USP6NL: variants seen among roughly 807,000 people sequenced by gnomAD.
The protein encoded by USP6NL is USP6 N-terminal like.
In USP6NL, 26 loss-of-function variants were observed where a neutral mutation model predicts 61.9. The ratio of observed to expected loss-of-function variants is 0.42; its 90% CI spans 0.31 to 0.58. The LOEUF (loss-of-function observed/expected upper bound fraction) is 0.58. Among genes scored for constraint, USP6NL ranks in the 20% least tolerant of loss-of-function variants. USP6NL has a pLI of 0.16. For synonymous variants in USP6NL, 432 were observed against 390.1 expected (o/e 1.11, Z -1.27); for missense variants, 1,114 against 1,034.3 (o/e 1.08, Z -1.06).
At chr10:11,573,607 T>C (rs1475351102) in intron 2 of USP6NL, 6 of 398,868 alleles carry the variant, frequency 1.5e-5, no homozygotes, top group Middle Eastern at 6.3e-4. Flanking sequence ...TAATCCTACC[T>C]TCCTTCACTG....
intron 1 of USP6NL, among the ~76,000 whole-genome samples, chr10:11,604,265 T>C (rs1269495186): frequency 6.6e-6 from 1 of 152,246 alleles, no homozygotes; most frequent in Non-Finnish European, 1.5e-5. Flanking sequence ...ACTGTATGAT[T>C]TATTATCTTA....
At position 11,463,287 on chromosome 10, in the gene USP6NL, A is replaced by C; in HGVS notation, c.1641T>G (p.Thr547=). ...LDAEDGKRGS[T]ASQYDNVPGP... ...CTGGCACGTTGTCGTACTGCGATGCAGTGGAGCCCCGCTTCCCGTCCTCAG... is the reference window on the plus strand; with the variant it reads ...CTGGCACGTTGTCGTACTGCGATGCCGTGGAGCCCCGCTTCCCGTCCTCAG... Residue 547 remains threonine (T), a synonymous_variant, in exon 15 of 15, where the codon ACT becomes ACG. Transcript: ENST00000609104. The surrounding 1 kb of genome is among the most constrained non-coding windows in gnomAD (Gnocchi z 6.3). 1 of 1,613,814 alleles carries C rather than the reference A, an allele frequency of 6.2e-7. No homozygotes were observed. The highest frequency in any genetic ancestry group is 8.5e-7 in the Non-Finnish European group (1 of 1,179,868).
At chr10:11,580,203 T>C (rs1028536808) in intron 2 of USP6NL, among the ~76,000 whole-genome samples, 11 of 152,188 alleles carry the variant, frequency 7.2e-5, no homozygotes, top group Admixed American at 3.9e-4. Context: ...TTTCCTATTA[T>C]AGCTTTAGAC....
intron 2 of USP6NL, among the ~76,000 whole-genome samples, chr10:11,529,497 T>C (rs1178220055): frequency 2.0e-5 from 3 of 152,244 alleles, no homozygotes; most frequent in Admixed American, 2.0e-4. Flanking sequence ...TGGGAAGTTG[T>C]AAATTTGTAA....
chr10:11,508,096 T>C (rs1159007199), intron 6 of USP6NL, among the ~76,000 whole-genome samples: 1 of 152,164 alleles, frequency 6.6e-6, no homozygotes, highest in African/African-American at 2.4e-5. Flanking sequence ...CTGAAAAAAG[T>C]GTGAGGAATG....
At chr10:11,565,424 G>C (rs1270921249) in intron 2 of USP6NL, 1 of 152,128 alleles carries the variant, frequency 6.6e-6, no homozygotes, top group Non-Finnish European at 1.5e-5. Flanking sequence ...GGTGGATCAC[G>C]AGGTCAGGAG....
chr10:11,599,146 T>C (rs910320822), intron 1 of USP6NL, among the ~76,000 whole-genome samples: 3 of 152,218 alleles, frequency 2.0e-5, no homozygotes, highest in Non-Finnish European at 4.4e-5. Context: ...AGATTTGTTT[T>C]CCTGCCTAGG....
In USP6NL at chr10:11,592,296, C is replaced by CA. The variant is rs1838180895; in HGVS notation, c.4+5334dup. 6.6e-6 allele frequency among the ~76,000 whole-genome samples: 1 copy of CA among 152,176 alleles called. No individual in the cohort carries two copies. The highest frequency in any genetic ancestry group is 2.4e-5 in the African/African-American group (1 of 41,456). ...ACACTAAACTAAGAAAGTAATCACA[C>CA]AAATTTTCTGAGAAGCAATTTCTGC... On this transcript the variant is annotated intron_variant, in intron 2 of 14. Transcript: ENST00000609104. This position sits in a 1 kb window ranked among gnomAD's most constrained non-coding sequence, Gnocchi z 4.7.
In USP6NL at chr10:11,550,784, T is replaced by TA. The variant is rs201839246; in HGVS notation, c.5-23218dup. ...AAATAAATAAATAAAAACAAAATAA[T>TA]AAAAAAAATTAAAAAAAAAACAGGC... On this transcript the variant is annotated intron_variant, in intron 2 of 14. Coordinates refer to ENST00000609104, the MANE Select transcript of USP6NL (RefSeq NM_014688.5). 9.6e-3 allele frequency among the ~76,000 whole-genome samples: 1,385 copies of TA among 144,788 alleles called. 23 individuals are homozygous for TA. The highest frequency in any genetic ancestry group is 0.032 in the African/African-American group (1,250 of 39,102). 95.0% of individuals were successfully genotyped at this position (144,788 alleles called of 152,430 possible). A position where few individuals can be genotyped will look rare whatever the true frequency, so the allele number is the denominator to read the frequency against.
chr10:11,489,031 A>G lies in USP6NL; in HGVS notation c.664+71T>C. The stretch of plus-strand genomic sequence containing the variant: ...TTTGCTGTATGTAACTCTTGCAAGC[A>G]TCTTTGGTTTTGTTTTAATCTACTT... On this transcript the variant is annotated intron_variant, in intron 10 of 14. Transcript: ENST00000609104. The surrounding 1 kb of genome is among the most constrained non-coding windows in gnomAD (Gnocchi z 5.7). 1.3e-6 allele frequency: 2 copies of G among 1,580,104 alleles called. No homozygotes were observed. The highest frequency in any genetic ancestry group is 1.7e-6 in the Non-Finnish European group (2 of 1,159,750).
At chr10:11,590,950 G>T (rs1838142208) in intron 2 of USP6NL, among the ~76,000 whole-genome samples, 1 of 152,106 alleles carries the variant, frequency 6.6e-6, no homozygotes, top group Admixed American at 6.5e-5. Flanking sequence ...TTACCCAATA[G>T]ATGTACTCCT....
chr10:11,479,242 G>A (rs531973551), intron 14 of USP6NL, among the ~76,000 whole-genome samples: 14 of 152,320 alleles, frequency 9.2e-5, no homozygotes, highest in African/African-American at 3.4e-4. Flanking sequence ...TATGGAAGGT[G>A]TCTGCAACAC....
At position 11,491,607 on chromosome 10, in the gene USP6NL, A is replaced by T. The variant is rs1833711564; in HGVS notation, c.495-727T>A. On this transcript the variant is annotated intron_variant, in intron 8 of 14. Transcript: ENST00000609104. This position sits in a 1 kb window ranked among gnomAD's most constrained non-coding sequence, Gnocchi z 4.7. ...GGACGTGGCTGTGTGGGCTGGGGGG[A>T]TTATCCTGATTACTAAGGGGAACAT... Among the ~76,000 whole-genome samples, 2 of 152,104 alleles carry T rather than the reference A, an allele frequency of 1.3e-5. No individual in the cohort carries two copies. The highest frequency in any genetic ancestry group is 2.9e-5 in the Non-Finnish European group (2 of 68,024).
intron 7 of USP6NL, 126 bp from the exon 8 acceptor site, chr10:11,493,354 T>A (rs1386498354): frequency 1.3e-6 from 1 of 747,652 alleles, no homozygotes; most frequent in East Asian, 2.7e-5. Context: ...TTAAAAAAAA[T>A]CAAAACTATA....
In USP6NL at chr10:11,496,937, A is replaced by G. The variant is rs1833953670; in HGVS notation, c.385-3709T>C. On this transcript the variant is annotated intron_variant, in intron 7 of 14. Transcript: ENST00000609104. The surrounding 1 kb of genome is among the most constrained non-coding windows in gnomAD (Gnocchi z 5.4). The stretch of plus-strand genomic sequence containing the variant: ...AGGAAGAACAGCCACAGTATGTTTC[A>G]GAATTCTCAAGACAGAGGAAGACAT... Among the ~76,000 whole-genome samples, 1 of 152,212 alleles carries G rather than the reference A, an allele frequency of 6.6e-6. No homozygotes were observed. The highest frequency in any genetic ancestry group is 1.5e-5 in the Non-Finnish European group (1 of 68,038).
In USP6NL at chr10:11,499,851, C is replaced by T. The variant is rs192285055; in HGVS notation, c.384+1250G>A. On this transcript the variant is annotated intron_variant, in intron 7 of 14. Transcript: ENST00000609104. The surrounding 1 kb of genome is among the most constrained non-coding windows in gnomAD (Gnocchi z 4.5). ...CTTAGTTTGTGGTACTTGGTTACAG[C>T]AGCCCTAAATGAATACAGCATGTAA... Among the ~76,000 whole-genome samples the T allele has an allele frequency of 2.6e-5, 4 of 152,344 alleles. No individual in the cohort carries two copies. Among genetic ancestry groups the T allele is most frequent in the African/African-American group, 4.8e-5 (2 of 41,570 alleles).
chr10:11,557,048 G>C (rs1423259643), intron 2 of USP6NL, among the ~76,000 whole-genome samples: 1 of 151,972 alleles, frequency 6.6e-6, no homozygotes, highest in Non-Finnish European at 1.5e-5. Flanking sequence ...ATCCTCAAAA[G>C]CATTTTTAAT....
chr10:11,578,359 T>C (rs1837626213), intron 2 of USP6NL, among the ~76,000 whole-genome samples: 1 of 152,250 alleles, frequency 6.6e-6, no homozygotes, highest in South Asian at 2.1e-4. Flanking sequence ...GCTAAGACCA[T>C]CAATACAATC....
chr10:11,539,749 G>GTT (rs1194610925), intron 2 of USP6NL, among the ~76,000 whole-genome samples: 14 of 152,214 alleles, frequency 9.2e-5, no homozygotes, highest in African/African-American at 3.1e-4. Context: ...ACACAAGACT[G>GTT]GTTTGTAACA....
Sources: gnomAD v4.1 joint callset for allele counts (sites outside exome capture counted in the v4.1 genomes callset) on GRCh38, gnomAD v4.1.1 for gene constraint, Gnocchi (gnomAD v3.1) non-coding constraint, MANE v1.5 for transcripts, NCBI Gene and HGNC (gene_info 2026-07-23, HGNC 2026-07-21) for gene names.